CPN1: variants seen among roughly 807,000 people sequenced by gnomAD.
CPN1 encodes carboxypeptidase N catalytic chain.
CPN1 carries 37 observed loss-of-function variants against 46.4 expected under a neutral mutation model. That is an observed-to-expected ratio of 0.80 (90% confidence interval 0.61 to 1.05). The LOEUF (loss-of-function observed/expected upper bound fraction) is 1.05. CPN1 is among the 50% of genes least tolerant of loss of function. CPN1 has a pLI of 0.00. For missense variants in CPN1, 563 were observed against 602.6 expected (o/e 0.93, Z 0.69); for synonymous variants, 224 against 235.4 (o/e 0.95, Z 0.44).
At chr10:100,079,592 G>A (rs573545609) in intron 1 of CPN1, among the ~76,000 whole-genome samples, 1 of 152,364 alleles carries the variant, frequency 6.6e-6, no homozygotes, top group Non-Finnish European at 1.5e-5. Context: ...TGCTATGGAA[G>A]TGCAGTTTCA....
intron 6 of CPN1, 152 bp downstream of exon 6, chr10:100,056,861 T>A: frequency 1.0e-6 from 1 of 955,120 alleles, no homozygotes; most frequent in Non-Finnish European, 1.6e-6. Flanking sequence ...TGCTCAATAA[T>A]GTTGAATGAA....
In CPN1 at chr10:100,048,765, G is replaced by T. The variant is rs1046976621; in HGVS notation, c.1223C>A (p.Pro408Gln). ...TVTVTVGPAEPTLVNFHLKRS... is the reference protein window; with the variant it reads ...TVTVTVGPAEQTLVNFHLKRS... ...AAGCTCAGCCTAACTCACCAACGTT[G>T]GTTCCGCAGGACCCACGGTCACAGT... Residue 408 changes from proline to glutamine, a missense_variant, in exon 8 of 9, where the codon CCA (proline) becomes CAA (glutamine). Physicochemically the swap from Pro to Gln is moderately conservative, Grantham distance 76. Transcript: ENST00000370418. The T allele has an allele frequency of 6.2e-7, 1 of 1,610,644 alleles. No individual in the cohort carries two copies. Among genetic ancestry groups the T allele is most frequent in the South Asian group, 1.1e-5 (1 of 90,956 alleles).
At chr10:100,061,939 T>C (rs1229405984) in intron 5 of CPN1, among the ~76,000 whole-genome samples, 1 of 152,098 alleles carries the variant, frequency 6.6e-6, no homozygotes. Context: ...ACTCCCACCT[T>C]AAGCCATCCT....
In CPN1 at chr10:100,042,529, C is replaced by A; in HGVS notation, c.1275G>T (p.Val425=). The change falls in exon 9 of 9, where the codon GTG becomes GTT. Residue 425 remains valine (V), a synonymous_variant. Transcript: ENST00000370418. ...CGTGCCTTCTGCTGGGAGCTCTCCT[C>A]ACAGGGCTTACTTGAGGGATGCTTC... is the stretch of plus-strand genomic sequence containing the variant. ...LKRSIPQVSP[V]RRAPSRRHGV... is the part of the protein sequence containing the mutation. 6.2e-7 allele frequency: 1 copy of A among 1,613,910 alleles called. No homozygotes were observed. The highest frequency in any genetic ancestry group is 1.3e-5 in the African/African-American group (1 of 74,972).
At position 100,042,490 on chromosome 10, in the gene CPN1, T is replaced by A. The variant is rs376436183; in HGVS notation, c.1314A>T (p.Lys438Asn). The stretch of plus-strand genomic sequence containing the variant: ...CTTTCTTTCTGGCTTGGGGCTGCAC[T>A]TTGGCTCTGACTCCGTGCCTTCTGC... ...APSRRHGVRA[K>N]VQPQARKKEM... Residue 438 changes from lysine (K) to asparagine (N), a missense_variant, in exon 9 of 9, where the codon AAA becomes AAT. Transcript: ENST00000370418. The A allele has an allele frequency of 3.1e-6, 5 of 1,613,850 alleles. No homozygotes were observed. Among genetic ancestry groups the A allele is most frequent in the Non-Finnish European group, 4.2e-6 (5 of 1,180,024 alleles).
intron 7 of CPN1, among the ~76,000 whole-genome samples, chr10:100,050,308 C>G (rs577912234): frequency 6.6e-6 from 1 of 152,092 alleles, no homozygotes; most frequent in Non-Finnish European, 1.5e-5. Flanking sequence ...GAGCCGAGAT[C>G]GCGCCACTGC....
chr10:100,072,744 T>C (rs181158971), intron 2 of CPN1, among the ~76,000 whole-genome samples: 1 of 152,318 alleles, frequency 6.6e-6, no homozygotes, highest in East Asian at 1.9e-4. Context: ...GGGAAAGAGA[T>C]AAGTGAGACA....
Position 100,042,373 on chromosome 10 carries a change from T to G in CPN1, c.*54A>C. The G allele has an allele frequency of 6.2e-7, 1 of 1,607,536 alleles. No individual in the cohort carries two copies. The highest frequency in any genetic ancestry group is 8.5e-7 in the Non-Finnish European group (1 of 1,175,854). The stretch of plus-strand genomic sequence containing the variant: ...AATAAAATAGAAAGAATGCTTGATC[T>G]GATCTGAGAGCAGGAGCAAAGCCTT... On this transcript the variant is annotated 3_prime_UTR_variant, in exon 9 of 9. Transcript: ENST00000370418.
intron 3 of CPN1, among the ~76,000 whole-genome samples, chr10:100,065,892 C>T (rs567373765): frequency 1.8e-4 from 28 of 151,742 alleles, no homozygotes; most frequent in African/African-American, 6.3e-4. Flanking sequence ...TTGCTGTGAA[C>T]CTAAAACTAC....
At chr10:100,070,843 A>G (rs913611410) in intron 2 of CPN1, among the ~76,000 whole-genome samples, 3 of 152,234 alleles carry the variant, frequency 2.0e-5, no homozygotes, top group Non-Finnish European at 4.4e-5. Context: ...TGTACAATTC[A>G]ATGAATTTTA....
rs758527116 is a variant in CPN1 at position 100,081,555 on chromosome 10, C to G, written c.71G>C (p.Arg24Pro). ...CACAAGATCATCATAGCGGTGGTGG[C>G]GAAAGGTCACCGGGGCAACCAACTT... Reference protein sequence around the residue: ...LFKLVAPVTFRHHRYDDLVRT... With the variant: ...LFKLVAPVTFPHHRYDDLVRT... Residue 24 changes from arginine to proline, a missense_variant, in exon 1 of 9, where the codon CGC becomes CCC. By Grantham distance (103) the Arg-to-Pro change is moderately radical. Coordinates refer to ENST00000370418, the MANE Select transcript of CPN1 (RefSeq NM_001308.3). 26 of 1,613,996 alleles carry G rather than the reference C, an allele frequency of 1.6e-5. No individual in the cohort carries two copies. The highest frequency in any genetic ancestry group is 2.1e-5 in the Non-Finnish European group (25 of 1,180,026).
chr10:100,056,394 A>G (rs1244611515), intron 6 of CPN1, among the ~76,000 whole-genome samples: 2 of 152,060 alleles, frequency 1.3e-5, no homozygotes, highest in African/African-American at 4.8e-5. Flanking sequence ...CCTCTGTAAG[A>G]CTTTCTTCAT....
Position 100,081,602 on chromosome 10 carries a change from G to A in CPN1, c.24C>T (p.Phe8=), listed in dbSNP as rs760354309. ...ACTTGAAGAGAAGGAGGAGGTGGAG[G>A]AAGACTGAGAGCAGGTCTGACATCT... MSDLLSV[F]LHLLLLFKLV... Residue 8 remains phenylalanine (F), a synonymous_variant, in exon 1 of 9, where the codon TTC becomes TTT. Coordinates refer to ENST00000370418, the MANE Select transcript of CPN1 (RefSeq NM_001308.3). 6.2e-7 allele frequency: 1 copy of A among 1,614,168 alleles called. No individual in the cohort carries two copies. The highest frequency in any genetic ancestry group is 2.2e-5 in the East Asian group (1 of 44,874).
intron 5 of CPN1, among the ~76,000 whole-genome samples, 179 bp from the exon 6 acceptor site, chr10:100,057,331 A>G (rs1363757649): frequency 1.3e-5 from 2 of 152,178 alleles, no homozygotes; most frequent in African/African-American, 4.8e-5. Context: ...ACATAATAAT[A>G]TGTACATATT....
intron 8 of CPN1, among the ~76,000 whole-genome samples, chr10:100,042,846 C>T (rs2041285482): frequency 1.2e-5 from 1 of 86,108 alleles, no homozygotes; most frequent in Non-Finnish European, 2.1e-5. Context: ...GTAATCCCAG[C>T]ACTTGGGAGG....
At chr10:100,072,356 G>T (rs1221718992) in intron 2 of CPN1, among the ~76,000 whole-genome samples, 1 of 151,982 alleles carries the variant, frequency 6.6e-6, no homozygotes, top group African/African-American at 2.4e-5. Context: ...TAAATTATTT[G>T]TAAAGATGGG....
chr10:100,063,844 T>C (rs1564774088), intron 4 of CPN1, 119 bp from the exon 5 acceptor site: 8 of 764,240 alleles, frequency 1.0e-5, no homozygotes, highest in East Asian at 5.2e-5. Context: ...GTGGATTATT[T>C]GCTTTAGTGA....
chr10:100,056,166 G>GT (rs959633607), intron 6 of CPN1, among the ~76,000 whole-genome samples: 7 of 152,118 alleles, frequency 4.6e-5, no homozygotes, highest in Admixed American at 1.3e-4. Context: ...GTGAAGTTCT[G>GT]TTTTTTTGAT....
chr10:100,071,348 C>T (rs748323278), intron 2 of CPN1, among the ~76,000 whole-genome samples: 8 of 152,306 alleles, frequency 5.3e-5, no homozygotes, highest in Non-Finnish European at 1.0e-4. Context: ...ATGGGCGGCA[C>T]GCTCTCTGGT....
Sources: allele counts gnomAD v4.1 joint callset (sites outside exome capture counted in the v4.1 genomes callset), GRCh38; gene constraint gnomAD v4.1.1; transcripts MANE v1.5; gene names NCBI Gene and HGNC (gene_info 2026-07-23, HGNC 2026-07-21).